Variants in CCDC97 observed in about 807,000 individuals in gnomAD.
The protein encoded by CCDC97 is coiled-coil domain containing 97.
CCDC97 carries 27 observed loss-of-function variants against 33.9 expected under a neutral mutation model. The observed-to-expected ratio is 0.80, with a 90% CI of 0.59 to 1.10. CCDC97 has a LOEUF of 1.10. Ranked by LOEUF, CCDC97 falls within the 50% of genes least tolerant of loss-of-function variation. The pLI is 0.00. For missense variants in CCDC97, 422 were observed against 476.6 expected (o/e 0.89, Z 1.07); for synonymous variants, 217 against 194.0 (o/e 1.12, Z -0.99).
chr19:41,316,631 G>T lies in CCDC97; in HGVS notation c.294G>T (p.Gln98His), dbSNP rs2037750062. Reference sequence around the variant, plus strand: ...ATGAGAAAGTGGCCATCCTGGCCCAGCTGTACCACGAGAAGCCACTGGTGT... The same window carrying T: ...ATGAGAAAGTGGCCATCCTGGCCCATCTGTACCACGAGAAGCCACTGGTGT... ...TEHEKVAILAQLYHEKPLVFL... is the reference protein window; with the variant it reads ...TEHEKVAILAHLYHEKPLVFL... The change falls in exon 2 of 5, where the codon CAG becomes CAT. Residue 98 changes from glutamine (Q) to histidine (H), a missense_variant. Transcript: ENST00000269967. 6.2e-7 allele frequency: 1 copy of T among 1,614,222 alleles called. No homozygotes were observed. Among genetic ancestry groups the T allele is most frequent in the Non-Finnish European group, 8.5e-7 (1 of 1,180,040 alleles).
Position 41,316,598 on chromosome 19 carries a change from G to A in CCDC97, c.261G>A (p.Leu87=), listed in dbSNP as rs1243129487. Residue 87 remains leucine, a synonymous_variant, in exon 2 of 5, where the codon TTG becomes TTA. Coordinates refer to ENST00000269967, the MANE Select transcript of CCDC97 (RefSeq NM_052848.3). ...VCSQQQGEPD[L]TEHEKVAILA... ...GCCAGCAGCAGGGTGAACCCGACTT[G>A]ACAGAGCATGAGAAAGTGGCCATCC... 2 of 1,614,120 alleles carry A rather than the reference G, an allele frequency of 1.2e-6. No individual in the cohort carries two copies. The highest frequency in any genetic ancestry group is 1.7e-5 in the Admixed American group (1 of 60,006).
intron 4 of CCDC97, among the ~76,000 whole-genome samples, chr19:41,322,325 C>G (rs1298561553): frequency 1.3e-5 from 2 of 152,332 alleles, no homozygotes; most frequent in East Asian, 3.9e-4. Flanking sequence ...CTGCTGGGCT[C>G]AAGCCATCTT....
intron 1 of CCDC97, among the ~76,000 whole-genome samples, chr19:41,311,277 A>C (rs1047742180): frequency 6.6e-6 from 1 of 151,948 alleles, no homozygotes. Flanking sequence ...AGGACAAGCT[A>C]CTCAGGAGAC....
At chr19:41,319,360 G>T (rs1461939868) in intron 2 of CCDC97, among the ~76,000 whole-genome samples, 1 of 151,160 alleles carries the variant, frequency 6.6e-6, no homozygotes, top group Non-Finnish European at 1.5e-5. Flanking sequence ...TGCCTCAGGC[G>T]CCTGCATTAT....
chr19:41,319,053 CAT>C (rs550071022), intron 2 of CCDC97, among the ~76,000 whole-genome samples: 110 of 152,340 alleles, frequency 7.2e-4, no homozygotes, highest in African/African-American at 2.0e-3. Context: ...CCTCACAGGA[CAT>C]GTGTGTGTAC....
At chr19:41,318,631 G>A (rs909635042) in intron 2 of CCDC97, among the ~76,000 whole-genome samples, 1 of 152,172 alleles carries the variant, frequency 6.6e-6, no homozygotes, top group Non-Finnish European at 1.5e-5. Context: ...CAGTGGAGGG[G>A]AGGGACCAGG....
At chr19:41,313,119 G>A (rs939930041) in intron 1 of CCDC97, among the ~76,000 whole-genome samples, 1 of 152,020 alleles carries the variant, frequency 6.6e-6, no homozygotes, top group Non-Finnish European at 1.5e-5. Flanking sequence ...TTACGATGTA[G>A]CTATCTTTTG....
chr19:41,321,766 C>A (rs2037826921), intron 4 of CCDC97, among the ~76,000 whole-genome samples: 2 of 152,158 alleles, frequency 1.3e-5, no homozygotes, highest in South Asian at 4.1e-4. Context: ...CACCAAGGGG[C>A]AGAAGGGGCT....
At position 41,316,764 on chromosome 19, in the gene CCDC97, G is replaced by A. The variant is rs1164054957; in HGVS notation, c.427G>A (p.Gly143Ser). ...CTACTGTGCTGAGGTGGCCCGGCAG[G>A]GCACTGCCCGGCCCCGCACCCTGCG... ...DFYCAEVARQ[G>S]TARPRTLRTR... Residue 143 changes from glycine to serine, a missense_variant, in exon 2 of 5, where the codon GGC (glycine) becomes AGC (serine). Gly to Ser is a moderately conservative substitution (Grantham distance 56). Coordinates refer to ENST00000269967, the MANE Select transcript of CCDC97 (RefSeq NM_052848.3). 6.2e-7 allele frequency: 1 copy of A among 1,612,656 alleles called. No individual in the cohort carries two copies. The highest frequency in any genetic ancestry group is 8.5e-7 in the Non-Finnish European group (1 of 1,179,186).
chr19:41,313,615 C>A (rs764537927), intron 1 of CCDC97, among the ~76,000 whole-genome samples: 4 of 152,176 alleles, frequency 2.6e-5, no homozygotes, highest in African/African-American at 7.2e-5. Flanking sequence ...TCTGTTTTCA[C>A]GTATTTCCTG....
chr19:41,317,048 G>T (rs2037758299), intron 2 of CCDC97, among the ~76,000 whole-genome samples: 1 of 152,232 alleles, frequency 6.6e-6, no homozygotes, highest in African/African-American at 2.4e-5. Context: ...GAATGGGACA[G>T]ACAATGAGAA....
chr19:41,320,617 A>G lies in CCDC97; in HGVS notation c.911+147A>G, dbSNP rs140857685. The G allele has an allele frequency of 1.3e-3, 1,282 of 1,012,210 alleles. 1 individual carries two copies. The highest frequency in any genetic ancestry group is 1.6e-3 in the Non-Finnish European group (1,084 of 691,240). The allele number at this position is 1,012,210 out of a possible 1,614,324, so 62.7% of individuals were successfully genotyped here. ...TTCCAGGATGTGGGGTTGAACAGCC[A>G]AAGGAAGAGGCTGGGTGACCTCGGA... On this transcript the variant is annotated intron_variant, in intron 4 of 4. Transcript: ENST00000269967.
rs1432545878 is a variant in CCDC97 at position 41,324,452 on chromosome 19, G to A, written c.*1737G>A. 1 of 152,242 alleles carries A rather than the reference G, an allele frequency of 6.6e-6. No homozygotes were observed. The highest frequency in any genetic ancestry group is 2.4e-5 in the African/African-American group (1 of 41,456). 9.4% of individuals were successfully genotyped at this position (152,242 alleles called of 1,614,324 possible). On this transcript the variant is annotated 3_prime_UTR_variant, in exon 5 of 5. Coordinates refer to ENST00000269967, the MANE Select transcript of CCDC97 (RefSeq NM_052848.3). Reference sequence around the variant, plus strand: ...CATCCAGAGTGAGACAGCATTGGAGGGACAAGTGTGCATGCAGATGTCCTC... The same window carrying A: ...CATCCAGAGTGAGACAGCATTGGAGAGACAAGTGTGCATGCAGATGTCCTC...
At position 41,322,603 on chromosome 19, in the gene CCDC97, A is replaced by ACGACAACCCCGACTT; in HGVS notation, c.929_943dup (p.Pro310_Asn314dup). On this transcript the variant is annotated inframe_insertion, in exon 5 of 5. Coordinates refer to ENST00000269967, the MANE Select transcript of CCDC97 (RefSeq NM_052848.3). Reference sequence around the variant, plus strand: ...GCCTCCTCCTCCTGCAGCACAGTAGACGACAACCCCGACTTCGACAACCTC... The same window carrying ACGACAACCCCGACTT: ...GCCTCCTCCTCCTGCAGCACAGTAGACGACAACCCCGACTTCGACAACCCCGACTTCGACAACCTC... 1 of 1,613,258 alleles carries ACGACAACCCCGACTT rather than the reference A, an allele frequency of 6.2e-7. No individual in the cohort carries two copies. Among genetic ancestry groups the ACGACAACCCCGACTT allele is most frequent in the East Asian group, 2.2e-5 (1 of 44,812 alleles).
intron 1 of CCDC97, among the ~76,000 whole-genome samples, chr19:41,312,473 C>T (rs530854099): frequency 1.1e-4 from 16 of 152,300 alleles, no homozygotes; most frequent in Admixed American, 3.3e-4. Flanking sequence ...TTGGCTTCAG[C>T]GACACCACAG....
At position 41,319,782 on chromosome 19, in the gene CCDC97, G is replaced by C; in HGVS notation, c.711G>C (p.Leu237=). Residue 237 remains leucine (L), a synonymous_variant, in exon 3 of 5, where the codon CTG becomes CTC. Coordinates refer to ENST00000269967, the MANE Select transcript of CCDC97 (RefSeq NM_052848.3). The part of the protein sequence containing the change: ...SYEERELQQR[L]LQQQEEEEAC... ...AGGAGCGGGAGCTACAGCAGCGTCT[G>C]CTCCAACAGCAGGAGGAGGAGGAGG... 1 of 1,612,152 alleles carries C rather than the reference G, an allele frequency of 6.2e-7. No homozygotes were observed. The highest frequency in any genetic ancestry group is 1.1e-5 in the South Asian group (1 of 91,022).
chr19:41,317,724 A>AG (rs951440287), intron 2 of CCDC97, among the ~76,000 whole-genome samples: 1 of 151,464 alleles, frequency 6.6e-6, no homozygotes, highest in Non-Finnish European at 1.5e-5. Flanking sequence ...AAAAAAAAAA[A>AG]AAAACACAGA....
At chr19:41,315,032 T>C (rs531217131) in intron 1 of CCDC97, among the ~76,000 whole-genome samples, 3 of 151,060 alleles carry the variant, frequency 2.0e-5, no homozygotes, top group Non-Finnish European at 2.9e-5. Context: ...CCAGGCGCAG[T>C]GGCTCACGCC....
chr19:41,314,482 G>A (rs1291800614), intron 1 of CCDC97, among the ~76,000 whole-genome samples: 1 of 152,240 alleles, frequency 6.6e-6, no homozygotes, highest in Non-Finnish European at 1.5e-5. Flanking sequence ...GTGAACGCAT[G>A]AATGCATGAG....
Sources: gnomAD v4.1 joint callset for allele counts (sites outside exome capture counted in the v4.1 genomes callset) on GRCh38, gnomAD v4.1.1 for gene constraint, MANE v1.5 for transcripts, NCBI Gene and HGNC (gene_info 2026-07-23, HGNC 2026-07-21) for gene names.